CCDC102B: variants seen among roughly 807,000 people sequenced by gnomAD.
The protein encoded by CCDC102B is coiled-coil domain-containing protein 102B.
In CCDC102B, 75 loss-of-function variants were observed where a neutral mutation model predicts 57.4. The observed-to-expected ratio is 1.31, with a 90% CI of 1.08 to 1.58. The LOEUF (loss-of-function observed/expected upper bound fraction) is 1.58. Among genes scored for constraint, CCDC102B ranks in the 40% most tolerant of loss-of-function variants. CCDC102B has a pLI of 0.00. For missense variants in CCDC102B, 636 were observed against 582.6 expected (o/e 1.09, Z -0.94); for synonymous variants, 206 against 201.9 (o/e 1.02, Z -0.17).
At chr18:68,794,959 GC>G (rs2035580608), upstream of CCDC102B, among the ~76,000 whole-genome samples, 1 of 149,718 alleles carries the variant, frequency 6.7e-6, no homozygotes, top group Admixed American at 6.7e-5. Flanking sequence ...TGAGAAAGCT[GC>G]AAGTAAGACA....
At chr18:68,912,459 C>T (rs2040908593) in intron 6 of CCDC102B, among the ~76,000 whole-genome samples, 2 of 152,176 alleles carry the variant, frequency 1.3e-5, no homozygotes, top group East Asian at 3.8e-4. Context: ...CATCCTAGGC[C>T]GTCTGAGTCA....
At chr18:68,997,720 A>G (rs1016171302) in intron 6 of CCDC102B, among the ~76,000 whole-genome samples, 2 of 151,578 alleles carry the variant, frequency 1.3e-5, no homozygotes, top group Admixed American at 1.3e-4. Context: ...TGTCTTTTTA[A>G]TTTCTAGAAC....
intron 6 of CCDC102B, among the ~76,000 whole-genome samples, chr18:68,990,533 T>C (rs2050837120): frequency 6.6e-6 from 1 of 152,218 alleles, no homozygotes; most frequent in African/African-American, 2.4e-5. Flanking sequence ...TTGTATATCA[T>C]GTTATTATGT....
intron 2 of CCDC102B, among the ~76,000 whole-genome samples, chr18:68,727,851 C>A (rs2032668927): frequency 6.6e-6 from 1 of 152,160 alleles, no homozygotes; most frequent in Admixed American, 6.5e-5. Context: ...CAAATAAAAT[C>A]CCAATGATTT....
intron 3 of CCDC102B, among the ~76,000 whole-genome samples, chr18:68,843,230 A>G (rs145613188): frequency 6.6e-6 from 1 of 152,312 alleles, no homozygotes; most frequent in Non-Finnish European, 1.5e-5. Context: ...ACAGTTTAAT[A>G]CTATCTCTAA....
intron 2 of CCDC102B, chr18:68,717,917 GA>G (rs2032113738): frequency 6.6e-6 from 1 of 152,160 alleles, no homozygotes; most frequent in African/African-American, 2.4e-5. Flanking sequence ...ATTTAGTCAT[GA>G]GGTGGAATCC....
At chr18:69,032,476 C>G (rs976806509) in intron 7 of CCDC102B, among the ~76,000 whole-genome samples, 12 of 152,000 alleles carry the variant, frequency 7.9e-5, no homozygotes, top group African/African-American at 2.9e-4. Context: ...TTCATGCAAC[C>G]CCAAGTGAAT....
intron 2 of CCDC102B, among the ~76,000 whole-genome samples, chr18:68,736,564 ATAGTGT>A (rs35200947): frequency 0.057 from 8,647 of 152,164 alleles, 781 homozygotes; most frequent in African/African-American, 0.19. Context: ...TTTTAATGTA[ATAGTGT>A]TAGTTATGTT....
intron 6 of CCDC102B, among the ~76,000 whole-genome samples, chr18:68,959,104 T>C (rs908579267): frequency 2.6e-5 from 4 of 152,114 alleles, no homozygotes; most frequent in African/African-American, 9.7e-5. Context: ...TTTATTGTAG[T>C]TTTCGCAGTC....
At chr18:68,759,930 T>C (rs1370045479) in intron 2 of CCDC102B, among the ~76,000 whole-genome samples, 2 of 152,030 alleles carry the variant, frequency 1.3e-5, no homozygotes, top group Non-Finnish European at 2.9e-5. Flanking sequence ...TGTTTGGAGT[T>C]TCAGGGGCAG....
At chr18:68,896,082 T>C (rs1223665433) in intron 5 of CCDC102B, among the ~76,000 whole-genome samples, 1 of 152,014 alleles carries the variant, frequency 6.6e-6, no homozygotes, top group Non-Finnish European at 1.5e-5. Context: ...TGAAGTTACC[T>C]GACTAAGCTT....
chr18:68,826,617 G>T (rs1022388628), intron 1 of CCDC102B, among the ~76,000 whole-genome samples: 1 of 151,856 alleles, frequency 6.6e-6, no homozygotes, highest in Non-Finnish European at 1.5e-5. Flanking sequence ...GATAAGTGAG[G>T]GACATTTTAG....
intron 2 of CCDC102B, among the ~76,000 whole-genome samples, chr18:68,786,139 A>G (rs1351967708): frequency 2.7e-5 from 4 of 148,316 alleles, no homozygotes; most frequent in Admixed American, 1.3e-4. Context: ...AGATAGTTGT[A>G]GATATGTGGC....
At position 69,007,022 on chromosome 18, in the gene CCDC102B, G is replaced by A. The variant is rs532299343; in HGVS notation, c.1264-3912G>A. On this transcript the variant is annotated intron_variant, in intron 6 of 7. Coordinates refer to ENST00000360242, the MANE Select transcript of CCDC102B (RefSeq NM_024781.3). ...TGTCACGTGGATTTAGAGAGAGAAG[G>A]TATGTGAAGAATTTCTCATAGTGTA... 3.9e-5 allele frequency among the ~76,000 whole-genome samples: 6 copies of A among 152,250 alleles called. No homozygotes were observed. The South Asian group carries it at 1.0e-3, about 26-fold the overall frequency.
chr18:68,828,071 C>CA (rs761917576), intron 1 of CCDC102B, among the ~76,000 whole-genome samples: 1 of 151,456 alleles, frequency 6.6e-6, no homozygotes, highest in Non-Finnish European at 1.5e-5. Flanking sequence ...CTTCCAAACA[C>CA]ATGAAGCAAA....
chr18:68,757,780 A>G (rs150353540), intron 2 of CCDC102B, among the ~76,000 whole-genome samples: 1 of 152,146 alleles, frequency 6.6e-6, no homozygotes, highest in Admixed American at 6.6e-5. Flanking sequence ...AGAATTTGTT[A>G]TGGTGTAAAT....
rs533162927 is a variant in CCDC102B, at chr18:68,761,123, C to T, written c.-67+44529C>T. Among the ~76,000 whole-genome samples, 9 of 152,144 alleles carry T rather than the reference C, an allele frequency of 5.9e-5. No homozygotes were observed. In the East Asian group the frequency reaches 1.4e-3, roughly 23 times the overall value. ...CGTGGAACACAGCTGAGTTTGAGCA[C>T]GAAGCTCATCAATTTTCAGCCTTAA... On this transcript the variant is annotated intron_variant, in intron 2 of 3. Transcript: ENST00000578970.
intron 6 of CCDC102B, chr18:68,908,657 CAT>C (rs1366915427): frequency 5.3e-5 from 8 of 152,114 alleles, no homozygotes; most frequent in Non-Finnish European, 1.2e-4. Flanking sequence ...TTCTTAAAAA[CAT>C]AGCATTCAGT....
chr18:68,844,579 C>G (rs1409373512), intron 3 of CCDC102B, among the ~76,000 whole-genome samples: 5 of 151,694 alleles, frequency 3.3e-5, no homozygotes, highest in Admixed American at 2.6e-4. Flanking sequence ...ATTCACAGGT[C>G]TAAGTCAATA....
Sources: allele counts gnomAD v4.1 joint callset (sites outside exome capture counted in the v4.1 genomes callset), GRCh38; gene constraint gnomAD v4.1.1; transcripts MANE v1.5; gene names NCBI Gene and HGNC (gene_info 2026-07-23, HGNC 2026-07-21).